The following OMA1 variants were observed in gnomAD, a reference collection of about 807,000 sequenced individuals.
The protein encoded by OMA1 is metalloendopeptidase OMA1, mitochondrial.
A neutral mutation model predicts 30.9 loss-of-function variants in OMA1; 38 were observed. That is an observed-to-expected ratio of 1.23 (90% CI 0.95 to 1.61). The LOEUF is 1.61. Ranked by LOEUF, OMA1 falls within the 40% of genes most tolerant of loss-of-function variation. The pLI is 0.00. For missense variants in OMA1, 461 were observed against 349.2 expected (o/e 1.32, Z -2.55); for synonymous variants, 173 against 121.9 (o/e 1.42, Z -2.76).
At chr1:58,493,989 G>T (rs1645748080) in intron 8 of OMA1, among the ~76,000 whole-genome samples, 1 of 147,144 alleles carries the variant, frequency 6.8e-6, no homozygotes, top group Non-Finnish European at 1.5e-5. Flanking sequence ...AACAAAGCTG[G>T]AGGCATCATG....
In OMA1 at chr1:58,484,732, T is replaced by G. The variant is rs576938095; in HGVS notation, c.1366-3558A>C. Among the ~76,000 whole-genome samples the G allele has an allele frequency of 8.8e-4, 134 of 152,262 alleles. 1 individual carries two copies. The highest frequency in any genetic ancestry group is 1.4e-3 in the Non-Finnish European group (98 of 68,016). ...CAGACAAAAGAATATTATTCAGATC[T>G]AAGAAGAAATTAGCTATCAAGCCAT... On this transcript the variant is annotated intron_variant, in intron 8 of 8. Transcript: ENST00000371226.
intron 7 of OMA1, among the ~76,000 whole-genome samples, chr1:58,507,438 A>C (rs1401879265): frequency 1.3e-5 from 2 of 151,986 alleles, no homozygotes; most frequent in Non-Finnish European, 2.9e-5. Flanking sequence ...AGCATTTCCA[A>C]ATGTTAGCAA....
Position 58,536,665 on chromosome 1 carries a change from A to G in OMA1, c.577T>C (p.Trp193Arg), listed in dbSNP as rs779109975. 26 of 872,718 alleles carry G rather than the reference A, an allele frequency of 3.0e-5. No homozygotes were observed. The highest frequency in any genetic ancestry group is 5.0e-5 in the Non-Finnish European group (25 of 501,616). The allele number at this position is 872,718 out of a possible 1,614,324, so 54.1% of individuals were successfully genotyped here. A position where few individuals can be genotyped will look rare whatever the true frequency, so the allele number is the denominator to read the frequency against. ...CTACTCAAACCAAGGAATAGCTTCC[A>G]TTTATTCTTCCTTATATTTTCTTTA... is the stretch of plus-strand genomic sequence containing the variant. ...VVKENIRKNK[W>R]KLFLGLSSFG... The change falls in exon 3 of 9, where the codon TGG becomes CGG. Residue 193 changes from tryptophan to arginine, a missense_variant. Trp to Arg is a moderately radical substitution (Grantham distance 101). Transcript: ENST00000371226.
intron 7 of OMA1, among the ~76,000 whole-genome samples, chr1:58,509,673 A>G (rs2100424140): frequency 6.6e-6 from 1 of 151,800 alleles, no homozygotes; most frequent in Non-Finnish European, 1.5e-5. Flanking sequence ...TAAATAAAGA[A>G]AACAGAGAAT....
At chr1:58,486,447 G>C (rs1194710981) in intron 8 of OMA1, among the ~76,000 whole-genome samples, 1 of 152,070 alleles carries the variant, frequency 6.6e-6, no homozygotes, top group Non-Finnish European at 1.5e-5. Context: ...TTTCTATAAG[G>C]GAGTGGAAGG....
chr1:58,529,677 T>A (rs1557455055), intron 6 of OMA1, among the ~76,000 whole-genome samples: 1 of 152,214 alleles, frequency 6.6e-6, no homozygotes. Context: ...GCTCTCTATA[T>A]CTGTGGATTA....
rs1569980400 is a variant in OMA1, at chr1:58,539,358, C to T, written c.-16-48G>A. ...AATATCTGTGGAAAATATTTACTTACCAAACTGGGACTATAACACTTATTA... is the reference window on the plus strand; with the variant it reads ...AATATCTGTGGAAAATATTTACTTATCAAACTGGGACTATAACACTTATTA... On this transcript the variant is annotated intron_variant, in intron 1 of 8. Transcript: ENST00000371226. 38 of 734,544 alleles carry T rather than the reference C, an allele frequency of 5.2e-5. No homozygotes were observed. The East Asian group carries it at 9.6e-4, about 19-fold the overall frequency. 45.5% of individuals were successfully genotyped at this position (734,544 alleles called of 1,614,324 possible). A position where few individuals can be genotyped will look rare whatever the true frequency, so the allele number is the denominator to read the frequency against.
chr1:58,493,225 G>T (rs1038331999), intron 8 of OMA1, among the ~76,000 whole-genome samples: 1 of 152,062 alleles, frequency 6.6e-6, no homozygotes, highest in Non-Finnish European at 1.5e-5. Context: ...AGCCCTTCAT[G>T]CTAAAAACTC....
intron 7 of OMA1, among the ~76,000 whole-genome samples, chr1:58,520,311 TA>T (rs1463838704): frequency 3.9e-5 from 6 of 152,074 alleles, no homozygotes; most frequent in African/African-American, 1.4e-4. Context: ...GCAAGACACA[TA>T]TCTGACAAAG....
intron 8 of OMA1, 40 bp downstream of exon 8, chr1:58,506,020 C>A (rs556853088): frequency 6.2e-6 from 5 of 805,548 alleles, no homozygotes; most frequent in Non-Finnish European, 1.1e-5. Flanking sequence ...ATAAATGATA[C>A]AGTAAAAATA....
chr1:58,482,209 A>G (rs1378725733), intron 8 of OMA1, among the ~76,000 whole-genome samples: 2 of 152,224 alleles, frequency 1.3e-5, no homozygotes, highest in African/African-American at 4.8e-5. Context: ...GACACTGGAA[A>G]GAGAGGGCTT....
chr1:58,492,645 C>T (rs1645718469), intron 8 of OMA1, among the ~76,000 whole-genome samples: 1 of 152,158 alleles, frequency 6.6e-6, no homozygotes, highest in African/African-American at 2.4e-5. Context: ...CACCTCTACA[C>T]AAATAAACTA....
intron 1 of OMA1, among the ~76,000 whole-genome samples, chr1:58,542,789 C>T (rs1224505300): frequency 6.6e-6 from 1 of 152,118 alleles, no homozygotes; most frequent in South Asian, 2.1e-4. Flanking sequence ...TTTTAGGGGA[C>T]AGGCTTAGAC....
At chr1:58,523,539 T>C (rs149811886) in intron 7 of OMA1, among the ~76,000 whole-genome samples, 4 of 152,228 alleles carry the variant, frequency 2.6e-5, no homozygotes, top group Non-Finnish European at 5.9e-5. Context: ...AAGTAGACCA[T>C]TTGGACGCCT....
intron 8 of OMA1, among the ~76,000 whole-genome samples, chr1:58,491,507 A>G (rs1645689670): frequency 1.3e-5 from 2 of 152,210 alleles, no homozygotes; most frequent in Non-Finnish European, 1.5e-5. Flanking sequence ...AGTGTGCTGT[A>G]TTCAGGAAAC....
At chr1:58,531,353 T>C (rs1646431066) in intron 5 of OMA1, among the ~76,000 whole-genome samples, 1 of 152,212 alleles carries the variant, frequency 6.6e-6, no homozygotes, top group African/African-American at 2.4e-5. Context: ...AATTTGTAAG[T>C]CTAGTATTTA....
intron 8 of OMA1, among the ~76,000 whole-genome samples, chr1:58,490,733 C>G (rs886914197): frequency 6.7e-5 from 10 of 148,602 alleles, no homozygotes; most frequent in African/African-American, 2.5e-4. Context: ...ATCAGACTAA[C>G]AGCGGATCTC....
chr1:58,506,216 C>T lies in OMA1; in HGVS notation c.1216-7G>A, dbSNP rs200117319. ...CTCTTATGTCTGCACAAGCCTAAAA[C>T]CAAAATTAGTAAAACCACACAATGA... is the stretch of plus-strand genomic sequence containing the variant. On this transcript the variant is annotated splice_polypyrimidine_tract_variant and splice_region_variant and intron_variant, in intron 7 of 8. Transcript: ENST00000371226. 1 of 860,810 alleles carries T rather than the reference C, an allele frequency of 1.2e-6. No individual in the cohort carries two copies. The allele number at this position is 860,810 out of a possible 1,614,324, so 53.3% of individuals were successfully genotyped here.
intron 7 of OMA1, among the ~76,000 whole-genome samples, chr1:58,516,072 G>C (rs1386915731): frequency 1.3e-5 from 2 of 152,146 alleles, no homozygotes; most frequent in African/African-American, 4.8e-5. Context: ...CACTTAACAG[G>C]CTTTGGGGAT....
Sources: gnomAD v4.1 joint callset for allele counts (sites outside exome capture counted in the v4.1 genomes callset) on GRCh38, gnomAD v4.1.1 for gene constraint, MANE v1.5 for transcripts, NCBI Gene and HGNC (gene_info 2026-07-23, HGNC 2026-07-21) for gene names.